Variants in SHROOM3 observed in about 807,000 individuals in gnomAD.
The protein encoded by SHROOM3 is shroom family member 3.
Under a neutral mutation model 138.6 loss-of-function variants are expected in SHROOM3, and 47 were observed. That is an observed-to-expected ratio of 0.34 (90% confidence interval 0.27 to 0.43). SHROOM3 has a LOEUF of 0.43. SHROOM3 is among the 20% of genes least tolerant of loss of function. The pLI is 1.00. For synonymous variants in SHROOM3, 1,062 were observed against 1,063.3 expected, an observed-to-expected ratio of 1.00 and a Z score of 0.02; for missense variants, 2,491 against 2,596.5, an observed-to-expected ratio of 0.96 and a Z score of 0.88.
chr4:76,685,449 G>A (rs1047130662), intron 2 of SHROOM3, among the ~76,000 whole-genome samples: 8 of 152,168 alleles, frequency 5.3e-5, no homozygotes, highest in Non-Finnish European at 1.0e-4. Context: ...CACATTCAAA[G>A]CTATCCTGGG....
At chr4:76,757,168 A>C in intron 8 of SHROOM3, 1 of 552,268 alleles carries the variant, frequency 1.8e-6, no homozygotes, top group South Asian at 2.2e-5. Context: ...ATTAGTACCC[A>C]TTGTTAACGT....
At chr4:76,545,370 A>G (rs1733191997) in intron 1 of SHROOM3, among the ~76,000 whole-genome samples, 8 of 152,200 alleles carry the variant, frequency 5.3e-5, no homozygotes, top group Admixed American at 5.2e-4. Flanking sequence ...CTGTAAATCA[A>G]GAACTGTGGG....
intron 2 of SHROOM3, chr4:76,688,663 C>T: frequency 2.0e-6 from 2 of 985,430 alleles, no homozygotes; most frequent in Non-Finnish European, 2.4e-6. Context: ...CTAGCACCAT[C>T]CCTTCCTTTA....
intron 1 of SHROOM3, among the ~76,000 whole-genome samples, chr4:76,456,764 G>T (rs1316573142): frequency 6.6e-6 from 1 of 152,218 alleles, no homozygotes; most frequent in Non-Finnish European, 1.5e-5. Context: ...GAGCAATAAA[G>T]CTTTTAATCA....
chr4:76,749,266 A>G (rs1447721849), intron 6 of SHROOM3, among the ~76,000 whole-genome samples, 176 bp downstream of exon 6: 1 of 151,998 alleles, frequency 6.6e-6, no homozygotes, highest in Non-Finnish European at 1.5e-5. Context: ...TTTAAGTTTT[A>G]GGGTACATGT....
chr4:76,733,579 C>T (rs909112511), intron 4 of SHROOM3, among the ~76,000 whole-genome samples: 2 of 152,302 alleles, frequency 1.3e-5, no homozygotes, highest in African/African-American at 4.8e-5. Context: ...GGCTTGACCC[C>T]CATGCTGAGT....
chr4:76,724,528 A>C (rs1349002577), intron 3 of SHROOM3, among the ~76,000 whole-genome samples: 1 of 152,200 alleles, frequency 6.6e-6, no homozygotes, highest in Admixed American at 6.5e-5. Context: ...TAGGTAATAC[A>C]TGCGTATAGT....
Position 76,739,551 on chromosome 4 carries a change from C to G in SHROOM3, c.1378C>G (p.Gln460Glu). The G allele has an allele frequency of 1.9e-6, 3 of 1,614,064 alleles. No homozygotes were observed. Among genetic ancestry groups the G allele is most frequent in the Non-Finnish European group, 2.5e-6 (3 of 1,180,028 alleles). ...CTATACCCAGAAGGCCCAACCTGGC[C>G]AACCTCTGCTGCCGACCAGCATCTA... ...HNYTQKAQPG[Q>E]PLLPTSIYPV... The change falls in exon 5 of 11, where the codon CAA becomes GAA. Residue 460 changes from glutamine (Q) to glutamate (E), a missense_variant. By Grantham distance (29) the Gln-to-Glu change is conservative. Transcript: ENST00000296043.
At chr4:76,516,040 T>C (rs775525669) in intron 1 of SHROOM3, among the ~76,000 whole-genome samples, 1 of 152,130 alleles carries the variant, frequency 6.6e-6, no homozygotes, top group Non-Finnish European at 1.5e-5. Flanking sequence ...AACACAAAGA[T>C]AATGAGAGAG....
chr4:76,541,622 G>GGC (rs1026741961), intron 1 of SHROOM3, among the ~76,000 whole-genome samples: 12 of 138,666 alleles, frequency 8.7e-5, no homozygotes, highest in South Asian at 2.2e-4. Context: ...CACATATGTG[G>GGC]GCGCACACAC....
chr4:76,477,124 C>T (rs1046312764), intron 1 of SHROOM3, among the ~76,000 whole-genome samples: 1 of 152,108 alleles, frequency 6.6e-6, no homozygotes, highest in Non-Finnish European at 1.5e-5. Context: ...CCCACCACCA[C>T]GCCCGGCTAA....
intron 2 of SHROOM3, among the ~76,000 whole-genome samples, chr4:76,626,663 A>C (rs7694006): frequency 1 from 152,008 of 152,274 alleles, 75,871 homozygotes; most frequent in Middle Eastern, 1. Flanking sequence ...TCTCAACAAC[A>C]CTGATAGGTG....
intron 1 of SHROOM3, among the ~76,000 whole-genome samples, chr4:76,444,789 T>C (rs1158033570): frequency 2.6e-5 from 4 of 151,996 alleles, no homozygotes; most frequent in Admixed American, 6.5e-5. Flanking sequence ...CCACCACGCC[T>C]GGCCAGTTTT....
At chr4:76,463,962 C>T (rs979130583) in intron 1 of SHROOM3, among the ~76,000 whole-genome samples, 2 of 152,268 alleles carry the variant, frequency 1.3e-5, no homozygotes, top group African/African-American at 4.8e-5. Context: ...AGAATCTCTA[C>T]TAGGGCAGTG....
intron 1 of SHROOM3, among the ~76,000 whole-genome samples, chr4:76,514,397 C>T (rs191229145): frequency 6.6e-6 from 1 of 152,172 alleles, no homozygotes; most frequent in African/African-American, 2.4e-5. Context: ...ACACCAAAGG[C>T]CACATATTGC....
chr4:76,453,885 A>G (rs1730976092), intron 1 of SHROOM3, among the ~76,000 whole-genome samples: 1 of 152,126 alleles, frequency 6.6e-6, no homozygotes, highest in Non-Finnish European at 1.5e-5. Context: ...AATTTGGATA[A>G]AGCACACTAC....
intron 1 of SHROOM3, among the ~76,000 whole-genome samples, chr4:76,489,391 G>C (rs1034808063): frequency 6.6e-6 from 1 of 152,170 alleles, no homozygotes; most frequent in East Asian, 1.9e-4. Flanking sequence ...TGAGAAGAAG[G>C]TAATTTGTGT....
intron 1 of SHROOM3, among the ~76,000 whole-genome samples, chr4:76,456,075 C>G (rs13147930): frequency 1.3e-5 from 2 of 152,026 alleles, no homozygotes; most frequent in Middle Eastern, 3.2e-3. Flanking sequence ...GGTGCAATCT[C>G]GGCTCACTGC....
At chr4:76,651,006 AT>A (rs1337748303) in intron 2 of SHROOM3, among the ~76,000 whole-genome samples, 1 of 152,208 alleles carries the variant, frequency 6.6e-6, no homozygotes, top group African/African-American at 2.4e-5. Flanking sequence ...GGAGATCACT[AT>A]GTTAAGAAAT....
Sources: gnomAD v4.1 joint callset for allele counts (sites outside exome capture counted in the v4.1 genomes callset) on GRCh38, gnomAD v4.1.1 for gene constraint, MANE v1.5 for transcripts, NCBI Gene and HGNC (gene_info 2026-07-23, HGNC 2026-07-21) for gene names.